SHANK2: variants seen among roughly 807,000 people sequenced by gnomAD.
SHANK2 encodes SH3 and multiple ankyrin repeat domains 2.
SHANK2 carries 43 observed loss-of-function variants against 133.7 expected under a neutral mutation model. That is an observed-to-expected ratio of 0.32 (90% CI 0.25 to 0.41). The LOEUF (loss-of-function observed/expected upper bound fraction) is 0.41. SHANK2 is among the 10% of genes least tolerant of loss of function. The pLI, the probability that SHANK2 is intolerant of heterozygous loss-of-function variation, is 1.00. For missense variants in SHANK2, 1,994 were observed against 2,235.8 expected (o/e 0.89, Z 2.18); for synonymous variants, 1,017 against 952.8 (o/e 1.07, Z -1.24).
intron 15 of SHANK2, 44 bp from the exon 16 acceptor site, chr11:70,661,722 T>G: frequency 6.2e-7 from 1 of 1,614,074 alleles, no homozygotes; most frequent in Non-Finnish European, 8.5e-7. Flanking sequence ...TTGTAGCCCG[T>G]CATCATCACC....
chr11:70,952,919 C>T (rs1555086993), intron 10 of SHANK2: 1 of 225,270 alleles, frequency 4.4e-6, no homozygotes, highest in Non-Finnish European at 1.0e-5. Flanking sequence ...CTAAGCTGAC[C>T]CCGAGGTGTC....
chr11:70,521,281 A>G (rs1554970965), intron 17 of SHANK2, among the ~76,000 whole-genome samples: 1 of 152,180 alleles, frequency 6.6e-6, no homozygotes, highest in African/African-American at 2.4e-5. Context: ...CTTTCAGACT[A>G]ACACCACCAA....
intron 8 of SHANK2, among the ~76,000 whole-genome samples, chr11:71,085,875 AT>A (rs1222251877): frequency 0.99 from 32,158 of 32,558 alleles, 15,880 homozygotes; most frequent in Middle Eastern, 1. Context: ...TATATTATAT[AT>A]TTATATAACC....
At chr11:70,643,831 C>T (rs1307604417) in intron 17 of SHANK2, among the ~76,000 whole-genome samples, 2 of 151,836 alleles carry the variant, frequency 1.3e-5, no homozygotes, top group Admixed American at 1.3e-4. Flanking sequence ...GGAAGACTGA[C>T]CAACAACAAA....
intron 9 of SHANK2, among the ~76,000 whole-genome samples, chr11:71,058,701 T>C (rs1950950691): frequency 7.9e-5 from 12 of 152,168 alleles, no homozygotes; most frequent in Admixed American, 5.2e-4. Context: ...TTACCTACAG[T>C]CTAGTGTACA....
At chr11:70,709,001 A>G (rs1187303244) in intron 14 of SHANK2, among the ~76,000 whole-genome samples, 1 of 152,210 alleles carries the variant, frequency 6.6e-6, no homozygotes, top group Non-Finnish European at 1.5e-5. Flanking sequence ...GCTTGAGGCT[A>G]GGAGTTCAAG....
chr11:70,518,005 A>C (rs10899103), intron 17 of SHANK2, among the ~76,000 whole-genome samples: 18,806 of 152,214 alleles, frequency 0.12, 1,366 homozygotes, highest in East Asian at 0.35. Flanking sequence ...TTTTCCCCAT[A>C]AACTCCTCAA....
At chr11:71,117,355 C>A (rs782433989) in intron 4 of SHANK2, among the ~76,000 whole-genome samples, 6 of 152,162 alleles carry the variant, frequency 3.9e-5, no homozygotes, top group Admixed American at 2.0e-4. Flanking sequence ...AACAGACTAT[C>A]GCGAGGAATA....
At chr11:70,902,396 G>T (rs1322199492) in intron 10 of SHANK2, among the ~76,000 whole-genome samples, 2 of 152,238 alleles carry the variant, frequency 1.3e-5, no homozygotes, top group African/African-American at 4.8e-5. Flanking sequence ...ATCCTCCCTC[G>T]CTGGCCTCTC....
intron 14 of SHANK2, among the ~76,000 whole-genome samples, chr11:70,789,396 C>T (rs757325162): frequency 2.6e-5 from 4 of 152,156 alleles, no homozygotes; most frequent in Non-Finnish European, 5.9e-5. Context: ...TTCTAGAGAG[C>T]CATGGGGCCT....
chr11:70,550,905 G>A (rs1002552399), intron 17 of SHANK2, among the ~76,000 whole-genome samples: 3 of 152,198 alleles, frequency 2.0e-5, no homozygotes, highest in South Asian at 2.1e-4. Context: ...GGATGGTTAT[G>A]GAGAGGAACT....
At chr11:70,894,595 C>T (rs1949905716) in intron 11 of SHANK2, among the ~76,000 whole-genome samples, 1 of 152,170 alleles carries the variant, frequency 6.6e-6, no homozygotes, top group African/African-American at 2.4e-5. Flanking sequence ...GGGTAGCAGC[C>T]CCAATATCTC....
At chr11:70,783,251 G>A (rs1565312862) in intron 14 of SHANK2, among the ~76,000 whole-genome samples, 1 of 152,168 alleles carries the variant, frequency 6.6e-6, no homozygotes, top group Non-Finnish European at 1.5e-5. Context: ...GTCCAGGCAG[G>A]ACAGGGTTGC....
intron 14 of SHANK2, among the ~76,000 whole-genome samples, chr11:70,770,177 C>G (rs782267222): frequency 6.6e-6 from 1 of 152,222 alleles, no homozygotes; most frequent in Non-Finnish European, 1.5e-5. Context: ...GGAGAAAGTT[C>G]TAGTCTCTGC....
chr11:70,661,798 C>CAGGCAGCATGGAGGAAAGG, intron 15 of SHANK2, 120 bp from the exon 16 acceptor site: 1 of 1,613,094 alleles, frequency 6.2e-7, no homozygotes. Context: ...TCGCCAGATC[C>CAGGCAGCATGGAGGAAAGG]AGGCAGCATG....
chr11:70,891,142 G>A (rs189542469), intron 11 of SHANK2, among the ~76,000 whole-genome samples: 4 of 152,134 alleles, frequency 2.6e-5, no homozygotes, highest in Non-Finnish European at 5.9e-5. Context: ...AGCGTATGCG[G>A]GCTCCTCTCT....
intron 11 of SHANK2, among the ~76,000 whole-genome samples, chr11:70,879,418 G>A (rs1590789937): frequency 6.6e-6 from 1 of 152,128 alleles, no homozygotes; most frequent in East Asian, 1.9e-4. Context: ...GTCTGAATTC[G>A]GGCTCAGCTC....
chr11:70,503,310 C>G (rs1431316876), intron 17 of SHANK2, among the ~76,000 whole-genome samples: 1 of 152,174 alleles, frequency 6.6e-6, no homozygotes, highest in Admixed American at 6.5e-5. Context: ...ATGTGAAGAG[C>G]CTGACAGGCG....
intron 15 of SHANK2, among the ~76,000 whole-genome samples, chr11:70,696,091 T>A (rs1945385901): frequency 6.6e-6 from 1 of 152,178 alleles, no homozygotes; most frequent in South Asian, 2.1e-4. Context: ...TTGGTGGGGA[T>A]CTTGGAGGTC....
Sources: gnomAD v4.1 joint callset for allele counts (sites outside exome capture counted in the v4.1 genomes callset) on GRCh38, gnomAD v4.1.1 for gene constraint, MANE v1.5 for transcripts, NCBI Gene and HGNC (gene_info 2026-07-23, HGNC 2026-07-21) for gene names.